The following NRG3 variants were observed in gnomAD, a reference collection of about 807,000 sequenced individuals.
NRG3 encodes the protein pro-neuregulin-3, membrane-bound isoform.
NRG3 carries 31 observed loss-of-function variants against 66.9 expected under a neutral mutation model. The observed-to-expected ratio is 0.46, with a 90% confidence interval of 0.35 to 0.63. The LOEUF (loss-of-function observed/expected upper bound fraction) is 0.63. Ranked by LOEUF, NRG3 falls within the 20% of genes least tolerant of loss-of-function variation. The probability of loss-of-function intolerance (pLI) is 0.00; values close to 1 mark genes in which losing one functional copy is unlikely to be tolerated. For synonymous variants in NRG3, 393 were observed against 359.4 expected, an observed-to-expected ratio of 1.09 and a Z score of -1.06; for missense variants, 910 against 878.9, an observed-to-expected ratio of 1.04 and a Z score of -0.45.
At chr10:82,801,823 T>C (rs536365669) in intron 3 of NRG3, among the ~76,000 whole-genome samples, 3 of 152,324 alleles carry the variant, frequency 2.0e-5, no homozygotes, top group Admixed American at 1.3e-4. Flanking sequence ...GTCTGTGTGA[T>C]GTGATGGTAA....
chr10:82,657,752 TTATGTCAAAGAA>T (rs1210497781), intron 2 of NRG3, among the ~76,000 whole-genome samples: 1 of 152,118 alleles, frequency 6.6e-6, no homozygotes, highest in Non-Finnish European at 1.5e-5. Flanking sequence ...ATGAAAAACG[TTATGTCAAAGAA>T]TTTGACAACT....
intron 1 of NRG3, among the ~76,000 whole-genome samples, chr10:82,250,530 A>G (rs1445882818): frequency 1.3e-5 from 2 of 152,094 alleles, no homozygotes; most frequent in Non-Finnish European, 2.9e-5. Flanking sequence ...GGAGATTGCA[A>G]TTAGCCAAGA....
At chr10:82,092,471 A>AC (rs1448920836) in intron 1 of NRG3, among the ~76,000 whole-genome samples, 1 of 150,028 alleles carries the variant, frequency 6.7e-6, no homozygotes, top group African/African-American at 2.5e-5. Flanking sequence ...ATACCCACCC[A>AC]CCCCCTACCC....
In NRG3 at chr10:82,611,897, C is replaced by T. The variant is rs187498717; in HGVS notation, c.954-126680C>T. ...TACACTCCCATCAACAGTGTGAAAG[C>T]GTTCATATTTCTCCACATCCTCTCC... On this transcript the variant is annotated intron_variant, in intron 2 of 8. Coordinates refer to ENST00000372141, the MANE Select transcript of NRG3 (RefSeq NM_001010848.4). Among the ~76,000 whole-genome samples the T allele has an allele frequency of 1.6e-3, 248 of 152,220 alleles. 2 individuals carry two copies. The highest frequency in any genetic ancestry group is 2.2e-3 in the Admixed American group (33 of 15,286).
At chr10:82,208,243 T>C (rs757395976) in intron 1 of NRG3, among the ~76,000 whole-genome samples, 2 of 152,304 alleles carry the variant, frequency 1.3e-5, no homozygotes, top group South Asian at 2.1e-4. Flanking sequence ...TTTTGGACTA[T>C]GTAACAATTA....
rs112368030 is a variant in NRG3 at position 82,974,326 on chromosome 10, G to A, written c.1412+411G>A. On this transcript the variant is annotated intron_variant, in intron 7 of 8. Transcript: ENST00000372141. ...GTTCTTACAAAATAAAATTTTCCAC[G>A]GGGAAGAAGCCTGGTGAATCTTCTT... is the stretch of plus-strand genomic sequence containing the variant. Among the ~76,000 whole-genome samples the A allele has an allele frequency of 7.3e-3, 1,113 of 152,124 alleles. 7 individuals are homozygous for A. Among genetic ancestry groups the A allele is most frequent in the African/African-American group, 0.026 (1,061 of 41,454 alleles).
chr10:82,543,955 G>A (rs2043725154), intron 2 of NRG3, among the ~76,000 whole-genome samples: 1 of 152,190 alleles, frequency 6.6e-6, no homozygotes, highest in South Asian at 2.1e-4. Context: ...AAATTGTCAA[G>A]GGAGTCCATA....
chr10:82,903,087 C>T (rs758025901), intron 4 of NRG3, among the ~76,000 whole-genome samples: 9 of 152,066 alleles, frequency 5.9e-5, no homozygotes, highest in South Asian at 4.1e-4. Flanking sequence ...GTTGTTAAAA[C>T]TTACACAAAC....
chr10:81,901,619 G>A lies in NRG3; in HGVS notation c.823+25456G>A, dbSNP rs975642159. Reference sequence around the variant, plus strand: ...AGGAGTTTGAGGCTACAGTGATACCGATTGCATCACTGCATTCCAGCCTAG... The same window carrying A: ...AGGAGTTTGAGGCTACAGTGATACCAATTGCATCACTGCATTCCAGCCTAG... On this transcript the variant is annotated intron_variant, in intron 1 of 8. Coordinates refer to ENST00000372141, the MANE Select transcript of NRG3 (RefSeq NM_001010848.4). Among the ~76,000 whole-genome samples, 10 of 152,060 alleles carry A rather than the reference G, an allele frequency of 6.6e-5. No homozygotes were observed. The South Asian group carries it at 1.0e-3, about 16-fold the overall frequency.
At chr10:82,647,605 GT>G (rs2133860442) in intron 2 of NRG3, among the ~76,000 whole-genome samples, 1 of 151,814 alleles carries the variant, frequency 6.6e-6, no homozygotes, top group Admixed American at 6.6e-5. Context: ...GGTTGAACTA[GT>G]TTACAGTCCC....
chr10:82,389,525 T>C (rs2086217194), intron 2 of NRG3, among the ~76,000 whole-genome samples: 1 of 152,160 alleles, frequency 6.6e-6, no homozygotes, highest in Non-Finnish European at 1.5e-5. Context: ...ATCCCACATA[T>C]ATTTTCAACG....
chr10:82,239,020 A>C (rs1440964951), intron 1 of NRG3, among the ~76,000 whole-genome samples: 1 of 144,628 alleles, frequency 6.9e-6, no homozygotes, highest in Non-Finnish European at 1.5e-5. Flanking sequence ...TTATATCTAT[A>C]GGTTTACATC....
At chr10:82,525,739 A>G (rs1846633098) in intron 2 of NRG3, among the ~76,000 whole-genome samples, 1 of 151,914 alleles carries the variant, frequency 6.6e-6, no homozygotes, top group South Asian at 2.1e-4. Flanking sequence ...ATAGAACTAG[A>G]AAGAATTTCA....
In NRG3 at chr10:82,757,019, C is replaced by G. The variant is rs193061088; in HGVS notation, c.1027+18369C>G. ...AATAACAGTCCAAACTATTCCAAAA[C>G]AAAACAAAACTGTTTTCCTCTCTTC... On this transcript the variant is annotated intron_variant, in intron 3 of 8. Coordinates refer to ENST00000372141, the MANE Select transcript of NRG3 (RefSeq NM_001010848.4). Among the ~76,000 whole-genome samples the G allele has an allele frequency of 2.3e-3, 347 of 152,084 alleles. 1 individual carries two copies. Among genetic ancestry groups the G allele is most frequent in the Non-Finnish European group, 4.0e-3 (273 of 67,946 alleles).
intron 3 of NRG3, among the ~76,000 whole-genome samples, chr10:82,812,798 G>A (rs1169911019): frequency 1.3e-5 from 2 of 152,110 alleles, no homozygotes; most frequent in African/African-American, 4.8e-5. Flanking sequence ...TTTCTGATAA[G>A]TTTTGAAACT....
chr10:82,733,047 G>A (rs781513720), intron 2 of NRG3, among the ~76,000 whole-genome samples: 2 of 152,116 alleles, frequency 1.3e-5, no homozygotes, highest in Admixed American at 6.6e-5. Flanking sequence ...AAGTTGTCAC[G>A]GTCAGGAAAT....
chr10:82,117,151 G>C (rs2067776771), intron 1 of NRG3, among the ~76,000 whole-genome samples: 1 of 151,954 alleles, frequency 6.6e-6, no homozygotes, highest in Admixed American at 6.6e-5. Flanking sequence ...TTTCCTCTGG[G>C]GAACTTTCCA....
intron 1 of NRG3, among the ~76,000 whole-genome samples, chr10:81,936,197 A>G (rs1410623942): frequency 3.9e-5 from 6 of 152,192 alleles, no homozygotes; most frequent in Non-Finnish European, 5.9e-5. Flanking sequence ...ACATGTTAAT[A>G]TATGTCAAAA....
At chr10:82,427,522 T>C (rs868409607) in intron 2 of NRG3, among the ~76,000 whole-genome samples, 1 of 152,198 alleles carries the variant, frequency 6.6e-6, no homozygotes, top group Non-Finnish European at 1.5e-5. Flanking sequence ...CATAAATTTA[T>C]ACAATAAGTA....
Sources: gnomAD v4.1 joint callset for allele counts (sites outside exome capture counted in the v4.1 genomes callset) on GRCh38, gnomAD v4.1.1 for gene constraint, MANE v1.5 for transcripts, NCBI Gene and HGNC (gene_info 2026-07-23, HGNC 2026-07-21) for gene names.